The following SYNE2 variants were observed in gnomAD, a reference collection of about 807,000 sequenced individuals.
The protein encoded by SYNE2 is spectrin repeat containing nuclear envelope protein 2.
Under a neutral mutation model 856.3 loss-of-function variants are expected in SYNE2, and 431 were observed. The ratio of observed to expected loss-of-function variants is 0.50; its 90% CI spans 0.47 to 0.55. The LOEUF (loss-of-function observed/expected upper bound fraction) is 0.55, where lower values mean the gene tolerates loss of function less well. SYNE2 is among the 20% of genes least tolerant of loss of function. The pLI, the probability that SYNE2 is intolerant of heterozygous loss-of-function variation, is 0.00. For missense variants in SYNE2, 8,129 were observed against 8,023.2 expected (o/e 1.01, Z -0.50); for synonymous variants, 2,923 against 2,872.3 (o/e 1.02, Z -0.56).
At position 63,956,587 on chromosome 14, in the gene SYNE2, G is replaced by A. The variant is rs74450691; in HGVS notation, c.787+1672G>A. 4.8e-3 allele frequency: 1,782 copies of A among 369,848 alleles called. 33 individuals carry two copies. Among genetic ancestry groups the A allele is most frequent in the African/African-American group, 0.034 (1,609 of 47,180 alleles). The allele number at this position is 369,848 out of a possible 1,614,324, so 22.9% of individuals were successfully genotyped here. On this transcript the variant is annotated intron_variant, in intron 8 of 115. Coordinates refer to ENST00000555002, the MANE Select transcript of SYNE2 (RefSeq NM_182914.3). The stretch of plus-strand genomic sequence containing the variant: ...AGAGATAATTCACATACCATATGAT[G>A]TATCATTTAAGTATACAAATTAGTG...
At chr14:64,179,764 A>C (rs187284392) in intron 96 of SYNE2, among the ~76,000 whole-genome samples, 3 of 151,958 alleles carry the variant, frequency 2.0e-5, no homozygotes, top group Non-Finnish European at 4.4e-5. Flanking sequence ...GGAGCTGCTT[A>C]TTTATTCTAA....
In SYNE2 at chr14:63,942,125, A is replaced by G; in HGVS notation, c.390A>G (p.Thr130=). The change falls in exon 6 of 116, where the codon ACA becomes ACG. Residue 130 remains threonine (T), a synonymous_variant. Transcript: ENST00000555002. ...NPSIILGLIW[T]IILHFHIEKL... The stretch of plus-strand genomic sequence containing the variant: ...CCATTATCCTTGGCCTAATTTGGAC[A>G]ATTATCCTGCACTTTCATGTAAGTA... The G allele has an allele frequency of 6.3e-7, 1 of 1,599,058 alleles. No homozygotes were observed. Among genetic ancestry groups the G allele is most frequent in the Non-Finnish European group, 8.6e-7 (1 of 1,167,398 alleles).
At chr14:63,980,118 A>G (rs1318496552) in intron 14 of SYNE2, among the ~76,000 whole-genome samples, 2 of 152,168 alleles carry the variant, frequency 1.3e-5, no homozygotes, top group East Asian at 3.8e-4. Flanking sequence ...TTCTATTTAA[A>G]TATTCATACT....
intron 64 of SYNE2, among the ~76,000 whole-genome samples, chr14:64,103,700 G>A (rs531485161): frequency 6.6e-6 from 1 of 152,094 alleles, no homozygotes; most frequent in Admixed American, 6.5e-5. Context: ...CAGTACTCAG[G>A]CTTCCCCTCC....
At chr14:63,814,398 T>C (rs1434959747) in intron 1 of SYNE2, among the ~76,000 whole-genome samples, 1 of 146,980 alleles carries the variant, frequency 6.8e-6, no homozygotes, top group Non-Finnish European at 1.5e-5. Context: ...TATATATCCA[T>C]AAACATATCC....
chr14:64,143,622 T>G (rs2098158192), intron 82 of SYNE2, 150 bp from the exon 83 acceptor site: 11 of 775,856 alleles, frequency 1.4e-5, no homozygotes, highest in Non-Finnish European at 2.5e-5. Context: ...CAACTCCTGG[T>G]GTAGGTTGGG....
intron 9 of SYNE2, 75 bp from the exon 10 acceptor site, chr14:63,963,824 C>A: frequency 1.1e-6 from 1 of 944,358 alleles, no homozygotes; most frequent in Non-Finnish European, 1.7e-6. Flanking sequence ...ACTGATGTTT[C>A]AAGTTGCTAA....
In SYNE2 at chr14:64,031,287, CTG is replaced by C; in HGVS notation, c.7152_7153del (p.Asp2385CysfsTer37). 1 of 1,614,134 alleles carries C rather than the reference CTG, an allele frequency of 6.2e-7. No homozygotes were observed. The highest frequency in any genetic ancestry group is 8.5e-7 in the Non-Finnish European group (1 of 1,180,024). On this transcript the variant is annotated frameshift_variant, in exon 45 of 116. Transcript: ENST00000555002. LOFTEE classifies it high-confidence loss of function. ...CCAGGCAGAGAGAAGCAGGCCACTT[CTG>C]ATGTGCAGGAGTCTACTCAGGAATC...
chr14:64,100,876 A>G (rs1304503192), intron 63 of SYNE2, among the ~76,000 whole-genome samples: 1 of 149,072 alleles, frequency 6.7e-6, no homozygotes, highest in African/African-American at 2.5e-5. Flanking sequence ...TTTTTTTTAC[A>G]TTCCACATTA....
chr14:64,093,993 C>G (rs1433696460), intron 61 of SYNE2, among the ~76,000 whole-genome samples: 9 of 152,172 alleles, frequency 5.9e-5, no homozygotes, highest in Non-Finnish European at 1.2e-4. Context: ...ATTCCATATT[C>G]TAAGCAGTAT....
In SYNE2 at chr14:64,225,778, T is replaced by A. The variant is rs1265641691; in HGVS notation, c.*252T>A. ...CAGAACTAGTTGATTAGTTTAGGGA[T>A]CTCTGGAAATGTCAGTTTCCTGAAG... On this transcript the variant is annotated 3_prime_UTR_variant, in exon 116 of 116. Coordinates refer to ENST00000555002, the MANE Select transcript of SYNE2 (RefSeq NM_182914.3). The A allele has an allele frequency of 8.4e-6, 5 of 595,136 alleles. No homozygotes were observed. The highest frequency in any genetic ancestry group is 1.5e-5 in the Non-Finnish European group (5 of 333,566). The allele number at this position is 595,136 out of a possible 1,614,324, so 36.9% of individuals were successfully genotyped here.
At position 64,022,840 on chromosome 14, in the gene SYNE2, G is replaced by A; in HGVS notation, c.5614G>A (p.Glu1872Lys). 6.2e-7 allele frequency: 1 copy of A among 1,605,738 alleles called. No homozygotes were observed. The highest frequency in any genetic ancestry group is 8.5e-7 in the Non-Finnish European group (1 of 1,173,384). ...FESSETKKSV[E>K]QKLQKLSDFL... Reference sequence around the variant, plus strand: ...ATCATCAGAAACAAAAAAGAGTGTGGAACAAAAGCTACAAAAACTTTCTGT... The same window carrying A: ...ATCATCAGAAACAAAAAAGAGTGTGAAACAAAAGCTACAAAAACTTTCTGT... The change falls in exon 38 of 116, where the codon GAA becomes AAA. Residue 1872 changes from glutamate (E) to lysine (K), a missense_variant. Physicochemically the swap from Glu to Lys is moderately conservative, Grantham distance 56. This residue lies in a region of SYNE2 where 2,422 missense variants were observed against 2,357.4 expected (regional missense o/e 1.03). Transcript: ENST00000555002.
intron 1 of SYNE2, among the ~76,000 whole-genome samples, chr14:63,873,159 C>T (rs1264806970): frequency 6.6e-6 from 1 of 152,156 alleles, no homozygotes; most frequent in East Asian, 1.9e-4. Flanking sequence ...ATTGGAGCTA[C>T]ATATAGCTAC....
chr14:64,081,341 C>T (rs1209951781), intron 56 of SYNE2, 102 bp from the exon 57 acceptor site: 1 of 1,458,664 alleles, frequency 6.9e-7, no homozygotes, highest in Non-Finnish European at 9.6e-7. Flanking sequence ...ATCTGCAAGG[C>T]CTGACACACC....
At position 64,195,074 on chromosome 14, in the gene SYNE2, C is replaced by T. The variant is rs374704869; in HGVS notation, c.18038+4837C>T. On this transcript the variant is annotated intron_variant, in intron 99 of 115. Coordinates refer to ENST00000555002, the MANE Select transcript of SYNE2 (RefSeq NM_182914.3). ...CAGTGAGTCCCTCTGGCAGGTTGCA[C>T]ATCTTGATGAATTCTTTTAGAGACT... Among the ~76,000 whole-genome samples the T allele has an allele frequency of 2.6e-5, 4 of 152,248 alleles. No individual in the cohort carries two copies. In the East Asian group the frequency reaches 5.8e-4, roughly 22 times the overall value.
At chr14:64,091,343 G>C (rs1260558263) in intron 60 of SYNE2, among the ~76,000 whole-genome samples, 1 of 152,184 alleles carries the variant, frequency 6.6e-6, no homozygotes, top group East Asian at 1.9e-4. Context: ...TGCAGCCTCT[G>C]AGGCCAACAG....
intron 20 of SYNE2, 97 bp downstream of exon 20, chr14:63,990,666 A>C: frequency 2.7e-6 from 3 of 1,097,318 alleles, no homozygotes; most frequent in Non-Finnish European, 4.1e-6. Context: ...TGTAGCTTGG[A>C]AATGTTTTGT....
intron 8 of SYNE2, chr14:63,956,356 T>G (rs1339677664): frequency 6.6e-6 from 3 of 454,966 alleles, no homozygotes; most frequent in Non-Finnish European, 1.3e-5. Context: ...TTTTGAGTAT[T>G]TATTACCTAT....
chr14:63,766,506 G>A (rs181132612), intron 1 of SYNE2, among the ~76,000 whole-genome samples: 13 of 152,318 alleles, frequency 8.5e-5, no homozygotes, highest in Admixed American at 8.5e-4. Context: ...CACCTGGGGA[G>A]CAGTTTCTTT....
Sources: gnomAD v4.1 joint callset for allele counts (sites outside exome capture counted in the v4.1 genomes callset) on GRCh38, gnomAD v4.1.1 for gene constraint, gnomAD v4.1.1 regional missense constraint, MANE v1.5 for transcripts, NCBI Gene and HGNC (gene_info 2026-07-23, HGNC 2026-07-21) for gene names.